GRIA1: variants seen among roughly 807,000 people sequenced by gnomAD.
GRIA1 encodes glutamate ionotropic receptor AMPA type subunit 1, also known as glutamate receptor 1.
In GRIA1, 31 loss-of-function variants were observed where a neutral mutation model predicts 99.2. The ratio of observed to expected loss-of-function variants is 0.31; its 90% CI spans 0.23 to 0.42. The LOEUF is 0.42. Among genes scored for constraint, GRIA1 ranks in the 10% least tolerant of loss-of-function variants. The pLI is 1.00. For missense variants in GRIA1, 782 were observed against 1,157.5 expected, an observed-to-expected ratio of 0.68 and a Z score of 4.71; for synonymous variants, 438 against 432.4, an observed-to-expected ratio of 1.01 and a Z score of -0.16.
intron 2 of GRIA1, among the ~76,000 whole-genome samples, chr5:153,630,645 C>A (rs1752886217): frequency 6.6e-6 from 1 of 152,228 alleles, no homozygotes. Context: ...CTCAAAGCAG[C>A]TCTAGACCTG....
At chr5:153,741,942 A>AG (rs1761827595) in intron 11 of GRIA1, among the ~76,000 whole-genome samples, 5 of 124,488 alleles carry the variant, frequency 4.0e-5, no homozygotes, top group South Asian at 3.6e-4. Context: ...TTTAAAAAAA[A>AG]AAAAAAAAGA....
chr5:153,510,622 G>A (rs1474748348), intron 2 of GRIA1, among the ~76,000 whole-genome samples: 1 of 152,142 alleles, frequency 6.6e-6, no homozygotes, highest in Non-Finnish European at 1.5e-5. Context: ...AATAGGCTGG[G>A]TTCAGACTAG....
chr5:153,749,155 A>G (rs4128572), intron 11 of GRIA1, among the ~76,000 whole-genome samples: 90,541 of 152,008 alleles, frequency 0.6, 27,711 homozygotes, highest in East Asian at 0.94. Flanking sequence ...GCCTAGGAGC[A>G]AAGAGAAGTG....
intron 8 of GRIA1, among the ~76,000 whole-genome samples, chr5:153,691,914 A>G (rs1343395702): frequency 6.6e-6 from 1 of 152,164 alleles, no homozygotes; most frequent in East Asian, 1.9e-4. Flanking sequence ...TCCTTTCCTT[A>G]AAACTTTTAC....
chr5:153,794,529 A>G lies in GRIA1; in HGVS notation c.2271-92A>G, dbSNP rs144798214. 1.8e-4 allele frequency: 148 copies of G among 826,932 alleles called. No individual in the cohort carries two copies. The East Asian group carries it at 3.3e-3, about 18-fold the overall frequency. 51.2% of individuals were successfully genotyped at this position (826,932 alleles called of 1,614,324 possible). On this transcript the variant is annotated intron_variant, in intron 13 of 15. Coordinates refer to ENST00000285900, the MANE Select transcript of GRIA1 (RefSeq NM_000827.4). Reference sequence around the variant, plus strand: ...CAAAGGGCAACCTGGCAGGCTGGGTAATGGAGCTGATTCACCGATCCCTTG... The same window carrying G: ...CAAAGGGCAACCTGGCAGGCTGGGTGATGGAGCTGATTCACCGATCCCTTG...
Position 153,494,027 on chromosome 5 carries a change from T to C in GRIA1, c.182T>C (p.Ile61Thr). The change falls in exon 2 of 16, where the codon ATT becomes ACT. Residue 61 changes from isoleucine (I) to threonine (T), a missense_variant. Physicochemically the swap from Ile to Thr is moderately conservative, Grantham distance 89. This residue lies in a region of GRIA1 where 461 missense variants were observed against 521.7 expected (regional missense o/e 0.88). Transcript: ENST00000285900. ...EPPKLLPQID[I>T]VNISDSFEMT... The stretch of plus-strand genomic sequence containing the variant: ...CCGAAGCTGCTCCCCCAGATTGATA[T>C]TGTGAACATCAGCGACAGCTTTGAG... 6.2e-7 allele frequency: 1 copy of C among 1,614,080 alleles called. No individual in the cohort carries two copies. The highest frequency in any genetic ancestry group is 8.5e-7 in the Non-Finnish European group (1 of 1,179,940).
intron 2 of GRIA1, among the ~76,000 whole-genome samples, chr5:153,605,495 T>G (rs1765363902): frequency 6.6e-6 from 1 of 152,246 alleles, no homozygotes; most frequent in South Asian, 2.1e-4. Flanking sequence ...CATGTGCACA[T>G]ATTTTTTGTT....
chr5:153,667,716 A>T (rs1162016610), intron 5 of GRIA1, among the ~76,000 whole-genome samples: 1 of 152,188 alleles, frequency 6.6e-6, no homozygotes, highest in Non-Finnish European at 1.5e-5. Context: ...ACATATAATC[A>T]GTTCTTTTCT....
At chr5:153,521,817 C>T (rs1159398304) in intron 2 of GRIA1, among the ~76,000 whole-genome samples, 21 of 152,180 alleles carry the variant, frequency 1.4e-4, no homozygotes, top group Admixed American at 1.4e-3. Flanking sequence ...TTATAGCACA[C>T]CCACATCTCA....
At chr5:153,656,252 C>T (rs1189828261) in intron 5 of GRIA1, among the ~76,000 whole-genome samples, 4 of 152,024 alleles carry the variant, frequency 2.6e-5, no homozygotes, top group Non-Finnish European at 4.4e-5. Flanking sequence ...AGTTTTACTT[C>T]TTATAAATAC....
chr5:153,810,583 G>C (rs962732437), intron 15 of GRIA1, among the ~76,000 whole-genome samples: 1 of 152,178 alleles, frequency 6.6e-6, no homozygotes, highest in Non-Finnish European at 1.5e-5. Context: ...AGGTTTAAAA[G>C]TTCTAGAACA....
At chr5:153,703,516 A>C (rs1358874911) in intron 10 of GRIA1, among the ~76,000 whole-genome samples, 1 of 152,194 alleles carries the variant, frequency 6.6e-6, no homozygotes, top group Non-Finnish European at 1.5e-5. Flanking sequence ...AGGCTAAGGC[A>C]GGCAGATCAC....
chr5:153,511,976 T>C (rs1354148660), intron 2 of GRIA1, among the ~76,000 whole-genome samples: 1 of 152,212 alleles, frequency 6.6e-6, no homozygotes, highest in African/African-American at 2.4e-5. Context: ...CAGCCTCTGT[T>C]ACACTGCTGT....
chr5:153,641,917 G>A (rs1462616669), intron 2 of GRIA1, among the ~76,000 whole-genome samples: 1 of 152,122 alleles, frequency 6.6e-6, no homozygotes, highest in South Asian at 2.1e-4. Flanking sequence ...AAAGTGGTTG[G>A]GGATGGGCTG....
intron 7 of GRIA1, among the ~76,000 whole-genome samples, chr5:153,686,021 A>G (rs1233500493): frequency 6.6e-6 from 1 of 152,242 alleles, no homozygotes; most frequent in Non-Finnish European, 1.5e-5. Context: ...AACAATTGTC[A>G]GGATGAATCC....
chr5:153,742,986 AC>A (rs1160875968), intron 11 of GRIA1, among the ~76,000 whole-genome samples: 1 of 152,192 alleles, frequency 6.6e-6, no homozygotes, highest in Non-Finnish European at 1.5e-5. Flanking sequence ...ATCACACCTT[AC>A]TTTGTGGGTG....
intron 13 of GRIA1, among the ~76,000 whole-genome samples, chr5:153,790,579 G>A (rs1224191633): frequency 6.6e-6 from 1 of 152,082 alleles, no homozygotes; most frequent in East Asian, 1.9e-4. Flanking sequence ...ACCAGCGTGA[G>A]GTAAAATGAG....
chr5:153,628,566 TCA>T (rs1767853988), intron 2 of GRIA1, among the ~76,000 whole-genome samples: 2 of 152,244 alleles, frequency 1.3e-5, no homozygotes, highest in Admixed American at 1.3e-4. Flanking sequence ...GAACATTATC[TCA>T]GTCTTCTGGG....
intron 14 of GRIA1, chr5:153,795,601 G>A (rs774917000): frequency 2.7e-5 from 40 of 1,463,978 alleles, no homozygotes; most frequent in South Asian, 4.6e-5. Flanking sequence ...GTCAGTCACC[G>A]GCTACAGAGG....
Sources: allele counts gnomAD v4.1 joint callset (sites outside exome capture counted in the v4.1 genomes callset), GRCh38; gene constraint gnomAD v4.1.1; regional missense constraint gnomAD v4.1.1; transcripts MANE v1.5; gene names NCBI Gene and HGNC (gene_info 2026-07-23, HGNC 2026-07-21).